Variants in PPARGC1A observed in about 807,000 individuals in gnomAD.
The protein encoded by PPARGC1A is PPARG coactivator 1 alpha.
PPARGC1A carries 25 observed loss-of-function variants against 88.7 expected under a neutral mutation model. The observed-to-expected ratio is 0.28, with a 90% CI of 0.21 to 0.39. The LOEUF is 0.39. Ranked by LOEUF, PPARGC1A falls within the 10% of genes least tolerant of loss-of-function variation. The pLI, the probability that PPARGC1A is intolerant of heterozygous loss-of-function variation, is 1.00. For synonymous variants in PPARGC1A, 363 were observed against 355.6 expected (o/e 1.02, Z -0.24); for missense variants, 880 against 968.7 (o/e 0.91, Z 1.22).
In PPARGC1A at chr4:23,795,751, G is replaced by T; in HGVS notation, c.*71C>A. On this transcript the variant is annotated 3_prime_UTR_variant, in exon 13 of 13. Transcript: ENST00000264867. ...AAATTCCTAAGTATGACTTGCAATA[G>T]TCTTTAGGGAAGGACGCGCTGTCCC... 1.7e-6 allele frequency: 2 copies of T among 1,207,814 alleles called. No homozygotes were observed. The highest frequency in any genetic ancestry group is 2.3e-6 in the Non-Finnish European group (2 of 852,730). The allele number at this position is 1,207,814 out of a possible 1,614,324, so 74.8% of individuals were successfully genotyped here. A position where few individuals can be genotyped will look rare whatever the true frequency, so the allele number is the denominator to read the frequency against.
At chr4:24,123,910 C>CAAAAAA in the PPARGC1A span, among the ~76,000 whole-genome samples, 200 of 123,386 alleles carry the variant, frequency 1.6e-3, 1 homozygote, top group Non-Finnish European at 2.2e-3. Flanking sequence ...TCTAAGTTGG[C>CAAAAAA]AAAAAAAAAA....
the PPARGC1A span, among the ~76,000 whole-genome samples, chr4:24,367,364 G>T: frequency 6.6e-6 from 1 of 152,136 alleles, no homozygotes; most frequent in Non-Finnish European, 1.5e-5. Context: ...AGCAGACACA[G>T]AAAGAAAACT....
the PPARGC1A span, among the ~76,000 whole-genome samples, chr4:23,976,899 T>C: frequency 6.6e-6 from 1 of 151,646 alleles, no homozygotes; most frequent in Non-Finnish European, 1.5e-5. Context: ...GGAAGACTAA[T>C]ACAGTAACTC....
the PPARGC1A span, among the ~76,000 whole-genome samples, chr4:24,291,607 C>T: frequency 6.6e-6 from 1 of 152,200 alleles, no homozygotes; most frequent in Non-Finnish European, 1.5e-5. Flanking sequence ...AATAACATGT[C>T]TCCAAACACA....
chr4:24,091,485 G>T, the PPARGC1A span: 1 of 985,344 alleles, frequency 1.0e-6, no homozygotes, highest in Non-Finnish European at 1.2e-6. Flanking sequence ...CCTGCTTCTC[G>T]CTGAAGTACT....
chr4:24,316,572 A>T, the PPARGC1A span, among the ~76,000 whole-genome samples: 1 of 152,204 alleles, frequency 6.6e-6, no homozygotes, highest in Non-Finnish European at 1.5e-5. Flanking sequence ...TCATATTTTT[A>T]AAATCAGACA....
chr4:23,996,067 A>G, the PPARGC1A span, among the ~76,000 whole-genome samples: 1 of 152,182 alleles, frequency 6.6e-6, no homozygotes, highest in Non-Finnish European at 1.5e-5. Context: ...TTCAGGGGAT[A>G]GTAGTGAAAG....
the PPARGC1A span, among the ~76,000 whole-genome samples, chr4:24,146,145 GT>G: frequency 6.6e-6 from 1 of 152,198 alleles, no homozygotes; most frequent in East Asian, 1.9e-4. Flanking sequence ...ATTGTGTCAG[GT>G]TTTCCAAAAG....
At chr4:24,146,909 G>T in the PPARGC1A span, among the ~76,000 whole-genome samples, 6 of 152,074 alleles carry the variant, frequency 3.9e-5, no homozygotes, top group Non-Finnish European at 7.4e-5. Context: ...TATTTGTATT[G>T]CCTGTCTCCC....
At chr4:24,164,399 A>G in the PPARGC1A span, among the ~76,000 whole-genome samples, 4 of 152,180 alleles carry the variant, frequency 2.6e-5, no homozygotes, top group African/African-American at 9.6e-5. Flanking sequence ...CATGCTGAGA[A>G]GGTTCACTGC....
the PPARGC1A span, among the ~76,000 whole-genome samples, chr4:24,005,015 G>C: frequency 2.0e-5 from 3 of 152,092 alleles, no homozygotes; most frequent in African/African-American, 7.2e-5. Flanking sequence ...TTATGACTTG[G>C]AAAGACTCCA....
chr4:24,186,836 T>A, the PPARGC1A span, among the ~76,000 whole-genome samples: 31 of 151,950 alleles, frequency 2.0e-4, no homozygotes, highest in Admixed American at 1.4e-3. Flanking sequence ...ATAAAAAAAT[T>A]AAAAAATTAA....
the PPARGC1A span, among the ~76,000 whole-genome samples, chr4:24,016,865 T>C: frequency 2.6e-5 from 4 of 152,312 alleles, no homozygotes; most frequent in East Asian, 1.9e-4. Context: ...AGCTGTTTCA[T>C]AGCAATTCTC....
At chr4:24,294,848 G>T in the PPARGC1A span, among the ~76,000 whole-genome samples, 8 of 152,328 alleles carry the variant, frequency 5.3e-5, no homozygotes, top group African/African-American at 1.9e-4. Context: ...ATAACTCTGG[G>T]ATGTCACCTA....
chr4:24,198,115 C>T, the PPARGC1A span, among the ~76,000 whole-genome samples: 45 of 152,304 alleles, frequency 3.0e-4, no homozygotes, highest in East Asian at 2.9e-3. Flanking sequence ...AAGCAACTAG[C>T]TTCAGGGCTA....
chr4:23,844,178 T>C (rs1484144280), intron 2 of PPARGC1A, among the ~76,000 whole-genome samples: 1 of 149,844 alleles, frequency 6.7e-6, no homozygotes, highest in Non-Finnish European at 1.5e-5. Context: ...TGTGTGTATA[T>C]ATAAAACATA....
chr4:24,176,244 T>TCTCCAGCA, the PPARGC1A span, among the ~76,000 whole-genome samples: 1 of 152,240 alleles, frequency 6.6e-6, no homozygotes, highest in East Asian at 1.9e-4. Flanking sequence ...CACTGCTTTG[T>TCTCCAGCA]CTCCAGCATT....
chr4:24,392,549 A>G, the PPARGC1A span, among the ~76,000 whole-genome samples: 2 of 152,260 alleles, frequency 1.3e-5, no homozygotes, highest in Non-Finnish European at 2.9e-5. Flanking sequence ...GCTGCCTCCC[A>G]TTTTTATCAC....
chr4:24,072,158 A>AT, the PPARGC1A span, among the ~76,000 whole-genome samples: 1 of 147,364 alleles, frequency 6.8e-6, no homozygotes, highest in Non-Finnish European at 1.5e-5. Flanking sequence ...TATATATTTT[A>AT]TTTTTATATT....
Sources: gnomAD v4.1 joint callset for allele counts (sites outside exome capture counted in the v4.1 genomes callset) on GRCh38, gnomAD v4.1.1 for gene constraint, MANE v1.5 for transcripts, NCBI Gene and HGNC (gene_info 2026-07-23, HGNC 2026-07-21) for gene names.